The following PCDHA8 variants were observed in gnomAD, a reference collection of about 807,000 sequenced individuals.
The protein encoded by PCDHA8 is protocadherin alpha 8, also known as protocadherin alpha-8.
PCDHA8 carries 53 observed loss-of-function variants against 61.8 expected under a neutral mutation model. That is an observed-to-expected ratio of 0.86 (90% confidence interval 0.69 to 1.08). The LOEUF is 1.08. Among genes scored for constraint, PCDHA8 ranks in the 50% least tolerant of loss-of-function variants. The pLI is 0.00. For synonymous variants in PCDHA8, 618 were observed against 556.6 expected, an observed-to-expected ratio of 1.11 and a Z score of -1.55; for missense variants, 1,293 against 1,245.0, an observed-to-expected ratio of 1.04 and a Z score of -0.58.
intron 1 of PCDHA8, among the ~76,000 whole-genome samples, chr5:140,879,151 T>C (rs1409921025): frequency 6.6e-6 from 1 of 152,216 alleles, no homozygotes; most frequent in Non-Finnish European, 1.5e-5. Flanking sequence ...GCAGGAAAGC[T>C]ATTTCTTTTT....
chr5:140,878,257 T>C (rs1266553954), intron 1 of PCDHA8, among the ~76,000 whole-genome samples: 10 of 152,206 alleles, frequency 6.6e-5, no homozygotes, highest in African/African-American at 2.4e-4. Flanking sequence ...CCTCACGTGC[T>C]TAGGCTTTTA....
intron 1 of PCDHA8, among the ~76,000 whole-genome samples, chr5:140,889,945 C>A (rs2153428950): frequency 6.6e-6 from 1 of 152,212 alleles, no homozygotes; most frequent in Non-Finnish European, 1.5e-5. Flanking sequence ...TTGTGAGAAG[C>A]CAAATGGATA....
chr5:140,921,367 T>A (rs1165325497), intron 1 of PCDHA8, among the ~76,000 whole-genome samples: 1 of 152,182 alleles, frequency 6.6e-6, no homozygotes, highest in Non-Finnish European at 1.5e-5. Context: ...TCAAGTTTCA[T>A]ATTTCTACAT....
At chr5:140,851,370 T>A in intron 1 of PCDHA8, 1 of 979,252 alleles carries the variant, frequency 1.0e-6, no homozygotes, top group Non-Finnish European at 1.2e-6. Flanking sequence ...AACATCTGAT[T>A]GTTCAGCAAC....
chr5:140,916,979 G>A (rs1280720524), intron 1 of PCDHA8, among the ~76,000 whole-genome samples: 1 of 152,144 alleles, frequency 6.6e-6, no homozygotes, highest in African/African-American at 2.4e-5. Flanking sequence ...TGAGTGATTC[G>A]CCTCTGGCCA....
At position 140,868,885 on chromosome 5, in the gene PCDHA8, T is replaced by C. The variant is rs559907492; in HGVS notation, c.2394+25170T>C. 56 of 733,832 alleles carry C rather than the reference T, an allele frequency of 7.6e-5. 1 individual carries two copies. The highest frequency in any genetic ancestry group is 1.1e-4 in the Non-Finnish European group (52 of 469,948). The allele number at this position is 733,832 out of a possible 1,614,324, so 45.5% of individuals were successfully genotyped here. A position where few individuals can be genotyped will look rare whatever the true frequency, so the allele number is the denominator to read the frequency against. On this transcript the variant is annotated intron_variant, in intron 1 of 3. Transcript: ENST00000531613. ...ATGCAGTGCACAGTACTCACAGTTTTAGGCGCAAGGTGTCGCTCTTTACTT... is the reference window on the plus strand; with the variant it reads ...ATGCAGTGCACAGTACTCACAGTTTCAGGCGCAAGGTGTCGCTCTTTACTT...
chr5:140,924,116 G>C (rs2081683465), intron 1 of PCDHA8, among the ~76,000 whole-genome samples: 1 of 152,178 alleles, frequency 6.6e-6, no homozygotes, highest in African/African-American at 2.4e-5. Flanking sequence ...AAAGCAGTTA[G>C]CTTGCTTAGC....
chr5:140,877,317 G>C (rs535177109), intron 1 of PCDHA8: 5 of 1,614,004 alleles, frequency 3.1e-6, no homozygotes, highest in Admixed American at 1.7e-5. Context: ...AACCGGCGGC[G>C]GTCGGCGCGC....
At chr5:140,969,294 T>C in intron 1 of PCDHA8, 2 of 1,614,212 alleles carry the variant, frequency 1.2e-6, no homozygotes, top group Non-Finnish European at 1.7e-6. Context: ...GCTGGGAACC[T>C]GATTATTCTC....
At chr5:140,857,705 T>C in intron 1 of PCDHA8, 1 of 1,597,138 alleles carries the variant, frequency 6.3e-7, no homozygotes, top group Non-Finnish European at 8.6e-7. Flanking sequence ...GCTGCAGGTG[T>C]TCGTGCTGGA....
At chr5:140,926,470 GT>G (rs1204371892) in intron 1 of PCDHA8, 7 of 162,858 alleles carry the variant, frequency 4.3e-5, no homozygotes, top group Non-Finnish European at 9.2e-5. Context: ...AGAAAACACC[GT>G]TTAAGGAGAG....
intron 1 of PCDHA8, chr5:140,851,772 A>G (rs1236960091): frequency 1.0e-6 from 1 of 968,722 alleles, no homozygotes; most frequent in Non-Finnish European, 1.2e-6. Context: ...ACCCTTATGA[A>G]TTTAGATGAG....
chr5:140,851,444 A>G (rs1182271875), intron 1 of PCDHA8: 1 of 917,790 alleles, frequency 1.1e-6, no homozygotes, highest in Non-Finnish European at 1.3e-6. Context: ...CAGTTGCTCC[A>G]CTTTAGGAAT....
chr5:140,897,727 T>G (rs1468942464), intron 1 of PCDHA8, among the ~76,000 whole-genome samples: 1 of 152,148 alleles, frequency 6.6e-6, no homozygotes, highest in Non-Finnish European at 1.5e-5. Context: ...CTGGGTCAAA[T>G]AGTATTTCTA....
chr5:141,009,944 C>T lies in PCDHA8; in HGVS notation c.*7C>T. On this transcript the variant is annotated 3_prime_UTR_variant, in exon 4 of 4. Coordinates refer to ENST00000531613, the MANE Select transcript of PCDHA8 (RefSeq NM_018911.3). Reference sequence around the variant, plus strand: ...TGACAACAGTGACCAGTGAGGTCCTCAAATGGAAACAAGCCACTTAGCCAG... The same window carrying T: ...TGACAACAGTGACCAGTGAGGTCCTTAAATGGAAACAAGCCACTTAGCCAG... The T allele has an allele frequency of 6.3e-7, 1 of 1,595,754 alleles. No individual in the cohort carries two copies. The highest frequency in any genetic ancestry group is 1.1e-5 in the South Asian group (1 of 87,514).
chr5:140,851,270 A>G lies in PCDHA8; in HGVS notation c.2394+7555A>G. On this transcript the variant is annotated intron_variant, in intron 1 of 3. Transcript: ENST00000531613. ...ATGCATAGTATTTTAGTCTACTTGTATTGTTTATAAGAAACCCAAGCAAAA... is the reference window on the plus strand; with the variant it reads ...ATGCATAGTATTTTAGTCTACTTGTGTTGTTTATAAGAAACCCAAGCAAAA... The G allele has an allele frequency of 9.4e-6, 10 of 1,065,088 alleles. 1 individual carries two copies. Among genetic ancestry groups the G allele is most frequent in the Non-Finnish European group, 1.1e-5 (9 of 851,818 alleles). 66.0% of individuals were successfully genotyped at this position (1,065,088 alleles called of 1,614,324 possible).
chr5:140,929,159 A>G lies in PCDHA8; in HGVS notation c.2395-49790A>G, dbSNP rs781818133. The G allele has an allele frequency of 1.7e-5, 27 of 1,613,968 alleles. No homozygotes were observed. Among genetic ancestry groups the G allele is most frequent in the South Asian group, 1.4e-4 (13 of 91,088 alleles). On this transcript the variant is annotated intron_variant, in intron 1 of 3. Coordinates refer to ENST00000531613, the MANE Select transcript of PCDHA8 (RefSeq NM_018911.3). The stretch of plus-strand genomic sequence containing the variant: ...GAGAGACTTTCTCAGACTTATCTCT[A>G]TCGGGCCTCTCTGGGACTTGGTTCT...
At chr5:140,940,717 G>T (rs1554213570) in intron 1 of PCDHA8, among the ~76,000 whole-genome samples, 1 of 152,130 alleles carries the variant, frequency 6.6e-6, no homozygotes, top group African/African-American at 2.4e-5. Flanking sequence ...GCTGTGTGCT[G>T]TTTCAGCTGG....
chr5:140,905,540 C>T (rs1294771375), intron 1 of PCDHA8, among the ~76,000 whole-genome samples: 5 of 151,890 alleles, frequency 3.3e-5, no homozygotes, highest in African/African-American at 9.7e-5. Flanking sequence ...TCCATATGAA[C>T]TTTAGGATTG....
Sources: allele counts gnomAD v4.1 joint callset (sites outside exome capture counted in the v4.1 genomes callset), GRCh38; gene constraint gnomAD v4.1.1; transcripts MANE v1.5; gene names NCBI Gene and HGNC (gene_info 2026-07-23, HGNC 2026-07-21).